Variants in EXOG observed in about 807,000 individuals in gnomAD.
EXOG encodes exo/endonuclease G, also known as nuclease EXOG, mitochondrial.
EXOG carries 27 observed loss-of-function variants against 25.8 expected under a neutral mutation model. The observed-to-expected ratio is 1.05, with a 90% CI of 0.77 to 1.45. The LOEUF (loss-of-function observed/expected upper bound fraction) is 1.45, where lower values mean the gene tolerates loss of function less well. Ranked by LOEUF, EXOG falls within the 40% of genes most tolerant of loss-of-function variation. EXOG has a pLI of 0.00. For synonymous variants in EXOG, 133 were observed against 167.0 expected (o/e 0.80, Z 1.57); for missense variants, 458 against 450.5 (o/e 1.02, Z -0.15).
chr3:38,525,055 T>G lies in EXOG; in HGVS notation c.*693T>G. 3.0e-6 allele frequency: 3 copies of G among 985,318 alleles called. No individual in the cohort carries two copies. Among genetic ancestry groups the G allele is most frequent in the Non-Finnish European group, 3.6e-6 (3 of 829,806 alleles). 61.0% of individuals were successfully genotyped at this position (985,318 alleles called of 1,614,324 possible). A position where few individuals can be genotyped will look rare whatever the true frequency, so the allele number is the denominator to read the frequency against. On this transcript the variant is annotated 3_prime_UTR_variant, in exon 6 of 6. Transcript: ENST00000287675. ...TTCTCCTCTCATGAATCTGCTCGTT[T>G]CTCTACTTCTGTCTACGTAGAAGCA... is the stretch of plus-strand genomic sequence containing the variant.
chr3:38,523,329 C>T (rs1290484684), intron 5 of EXOG: 1 of 1,255,074 alleles, frequency 8.0e-7, no homozygotes, highest in Non-Finnish European at 1.0e-6. Context: ...ACAAACAGAA[C>T]AGAGACTGTG....
chr3:38,522,645 C>T lies in EXOG; in HGVS notation c.646-1256C>T, dbSNP rs1445674142. Among the ~76,000 whole-genome samples, 4 of 152,180 alleles carry T rather than the reference C, an allele frequency of 2.6e-5. No individual in the cohort carries two copies. In the East Asian group the frequency reaches 5.8e-4, roughly 22 times the overall value. On this transcript the variant is annotated intron_variant, in intron 5 of 5. Transcript: ENST00000287675. ...TCAGCCTCCCGAGTAGCAGGGATTA[C>T]AGGCATGCGCCACCACGCCCAGCTA...
chr3:38,512,883 ATCT>A (rs1431463662), intron 5 of EXOG, among the ~76,000 whole-genome samples: 1 of 152,132 alleles, frequency 6.6e-6, no homozygotes, highest in African/African-American at 2.4e-5. Flanking sequence ...TGTAACCTTT[ATCT>A]TCTGGGCTTT....
chr3:38,507,668 C>T (rs1313264009), intron 5 of EXOG, among the ~76,000 whole-genome samples: 3 of 151,776 alleles, frequency 2.0e-5, no homozygotes, highest in Non-Finnish European at 4.4e-5. Context: ...TTGGCAGCAG[C>T]GTGTAAAGAG....
intron 1 of EXOG, chr3:38,496,897 C>T: frequency 8.2e-7 from 1 of 1,220,160 alleles, no homozygotes; most frequent in South Asian, 1.3e-5. Flanking sequence ...CATCATCTAA[C>T]CAGCACAGTA....
intron 1 of EXOG, chr3:38,496,836 T>C: frequency 1.5e-6 from 2 of 1,364,626 alleles, no homozygotes; most frequent in Non-Finnish European, 1.9e-6. Context: ...CTGTGTTCTC[T>C]ACTAAGATTG....
Position 38,525,372 on chromosome 3 carries a change from G to A in EXOG, c.*1010G>A, listed in dbSNP as rs907796166. On this transcript the variant is annotated 3_prime_UTR_variant, in exon 6 of 6. Coordinates refer to ENST00000287675, the MANE Select transcript of EXOG (RefSeq NM_005107.4). ...CAGAAATATATACCTATTTCCATGG[G>A]TATTTGTGGGCCTGAGGCATGCTTG... is the stretch of plus-strand genomic sequence containing the variant. 23 of 985,228 alleles carry A rather than the reference G, an allele frequency of 2.3e-5. No individual in the cohort carries two copies. In the African/African-American group the frequency reaches 3.1e-4, roughly 13 times the overall value. The allele number at this position is 985,228 out of a possible 1,614,324, so 61.0% of individuals were successfully genotyped here.
Position 38,503,634 on chromosome 3 carries a change from T to C in EXOG, c.473T>C (p.Phe158Ser), listed in dbSNP as rs1271972213. The change falls in exon 4 of 6, where the codon TTT (phenylalanine) becomes TCT (serine). Residue 158 changes from phenylalanine (F) to serine (S), a missense_variant. Coordinates refer to ENST00000287675, the MANE Select transcript of EXOG (RefSeq NM_005107.4). The stretch of plus-strand genomic sequence containing the variant: ...TTACAGAAAGCCATGGCTGAAACCT[T>C]TTACCTTTCTAACATTGTGCCTCAG... ...KFSSKAMAET[F>S]YLSNIVPQDF... 1.2e-6 allele frequency: 2 copies of C among 1,604,306 alleles called. No individual in the cohort carries two copies. The highest frequency in any genetic ancestry group is 2.7e-5 in the African/African-American group (2 of 74,714).
chr3:38,523,315 T>A, intron 5 of EXOG: 2 of 1,277,502 alleles, frequency 1.6e-6, no homozygotes, highest in Non-Finnish European at 2.0e-6. Flanking sequence ...TTGTCCTTTG[T>A]CCTACAAACA....
chr3:38,502,304 A>G (rs1273585988), intron 3 of EXOG, among the ~76,000 whole-genome samples: 1 of 152,206 alleles, frequency 6.6e-6, no homozygotes, highest in Non-Finnish European at 1.5e-5. Context: ...ATCATAGCTT[A>G]CTGTAGTCTT....
chr3:38,496,774 C>T, intron 1 of EXOG: 2 of 1,463,228 alleles, frequency 1.4e-6, no homozygotes, highest in South Asian at 2.6e-5. Flanking sequence ...CCACCCCCGC[C>T]GCCCGACTTT....
At chr3:38,504,576 T>C (rs1305528240) in intron 4 of EXOG, among the ~76,000 whole-genome samples, 5 of 152,000 alleles carry the variant, frequency 3.3e-5, no homozygotes, top group African/African-American at 7.2e-5. Flanking sequence ...GCTGGGATTA[T>C]AGGCACACGC....
chr3:38,521,884 A>G (rs2060726648), intron 5 of EXOG, among the ~76,000 whole-genome samples: 2 of 152,240 alleles, frequency 1.3e-5, no homozygotes, highest in African/African-American at 2.4e-5. Flanking sequence ...ATTTCCAGCA[A>G]TGCCAGGCAC....
At chr3:38,505,100 G>T (rs1270376351) in intron 4 of EXOG, among the ~76,000 whole-genome samples, 5 of 152,116 alleles carry the variant, frequency 3.3e-5, no homozygotes, top group Non-Finnish European at 2.9e-5. Context: ...TGCCCTTAAA[G>T]AATTTAACAA....
intron 5 of EXOG, among the ~76,000 whole-genome samples, chr3:38,513,199 A>G (rs969220595): frequency 5.3e-5 from 8 of 152,336 alleles, no homozygotes; most frequent in African/African-American, 1.9e-4. Context: ...CTCCGTAACA[A>G]TTGGCATATA....
chr3:38,516,481 A>G (rs763780166), intron 5 of EXOG, among the ~76,000 whole-genome samples: 4 of 152,168 alleles, frequency 2.6e-5, no homozygotes, highest in Non-Finnish European at 5.9e-5. Flanking sequence ...TGCCACATTT[A>G]TGCTCCCCCA....
At chr3:38,507,377 G>A (rs935094043) in intron 5 of EXOG, among the ~76,000 whole-genome samples, 1 of 152,192 alleles carries the variant, frequency 6.6e-6, no homozygotes, top group Non-Finnish European at 1.5e-5. Flanking sequence ...TGGACCCTGA[G>A]GATTCCAGAG....
chr3:38,497,604 C>G, intron 1 of EXOG, 25 bp from the exon 2 acceptor site: 4 of 1,412,228 alleles, frequency 2.8e-6, no homozygotes, highest in South Asian at 2.8e-5. Context: ...TCTGCCCCCC[C>G]TTTTTTTTTT....
chr3:38,517,884 T>C (rs2060597150), intron 5 of EXOG, among the ~76,000 whole-genome samples: 1 of 152,246 alleles, frequency 6.6e-6, no homozygotes, highest in African/African-American at 2.4e-5. Flanking sequence ...ATTTATGTTT[T>C]TCACTAACAA....
Sources: allele counts gnomAD v4.1 joint callset (sites outside exome capture counted in the v4.1 genomes callset), GRCh38; gene constraint gnomAD v4.1.1; transcripts MANE v1.5; gene names NCBI Gene and HGNC (gene_info 2026-07-23, HGNC 2026-07-21).